Variants in GPHN observed in about 807,000 individuals in gnomAD.
GPHN encodes gephyrin.
In GPHN, 17 loss-of-function variants were observed where a neutral mutation model predicts 95.5. The ratio of observed to expected loss-of-function variants is 0.18; its 90% CI spans 0.12 to 0.27. GPHN has a LOEUF of 0.27. Ranked by LOEUF, GPHN falls within the 10% of genes least tolerant of loss-of-function variation. The pLI is 1.00. For synonymous variants in GPHN, 320 were observed against 322.5 expected, an observed-to-expected ratio of 0.99 and a Z score of 0.08; for missense variants, 660 against 978.1, an observed-to-expected ratio of 0.67 and a Z score of 4.34.
chr14:67,393,800 C>T, the GPHN span, among the ~76,000 whole-genome samples: 21 of 152,270 alleles, frequency 1.4e-4, no homozygotes, highest in African/African-American at 2.4e-4. Context: ...TCCCATAGCA[C>T]GGCTCACCCC....
chr14:67,083,653 G>A (rs1422655038), intron 11 of GPHN, among the ~76,000 whole-genome samples: 1 of 152,084 alleles, frequency 6.6e-6, no homozygotes, highest in Non-Finnish European at 1.5e-5. Context: ...TATTCAGAGT[G>A]GCAATGATCA....
At chr14:67,528,901 T>C in the GPHN span, among the ~76,000 whole-genome samples, 4 of 152,284 alleles carry the variant, frequency 2.6e-5, no homozygotes, top group South Asian at 2.1e-4. Flanking sequence ...GCCTGGAATC[T>C]GTATTTTCAG....
At chr14:67,579,809 G>A in the GPHN span, 1 of 1,610,830 alleles carries the variant, frequency 6.2e-7, no homozygotes, top group Non-Finnish European at 8.5e-7. Context: ...TCCCACTCTG[G>A]CTTTGCCCTC....
chr14:67,731,231 T>G, the GPHN span, among the ~76,000 whole-genome samples: 1 of 115,112 alleles, frequency 8.7e-6, no homozygotes, highest in African/African-American at 3.2e-5. Context: ...TTTTTTTTTT[T>G]GGAGACATAG....
At position 66,800,167 on chromosome 14, in the gene GPHN, C is replaced by T. The variant is rs531606569; in HGVS notation, c.201+23646C>T. On this transcript the variant is annotated intron_variant, in intron 3 of 22. Transcript: ENST00000478722. ...TTATATCTTAATGTACGGACTATGTCTTCAAAAGTTTTTATAATTATTATT... is the reference window on the plus strand; with the variant it reads ...TTATATCTTAATGTACGGACTATGTTTTCAAAAGTTTTTATAATTATTATT... Among the ~76,000 whole-genome samples, 17 of 152,054 alleles carry T rather than the reference C, an allele frequency of 1.1e-4. No homozygotes were observed. In the South Asian group the frequency reaches 3.5e-3, roughly 32 times the overall value.
At chr14:67,157,294 A>G (rs2081653398) in intron 18 of GPHN, among the ~76,000 whole-genome samples, 1 of 152,192 alleles carries the variant, frequency 6.6e-6, no homozygotes. Flanking sequence ...TAAATTAGTT[A>G]ATTCATCAGG....
intron 17 of GPHN, among the ~76,000 whole-genome samples, chr14:67,126,925 G>T (rs1024309524): frequency 6.6e-6 from 1 of 152,014 alleles, no homozygotes; most frequent in Non-Finnish European, 1.5e-5. Context: ...CATAAAAAAT[G>T]ATGAGTTCCT....
chr14:67,646,738 A>G, the GPHN span: 9 of 1,608,130 alleles, frequency 5.6e-6, no homozygotes, highest in Admixed American at 1.2e-4. Context: ...CCTCCTGAAC[A>G]GTAAGTTGAT....
chr14:67,276,410 G>A, the GPHN span, among the ~76,000 whole-genome samples: 5 of 152,148 alleles, frequency 3.3e-5, no homozygotes, highest in African/African-American at 1.2e-4. Context: ...CTAATTTTTA[G>A]TTGCCCTTTG....
At chr14:67,388,383 G>A in the GPHN span, 1 of 844,108 alleles carries the variant, frequency 1.2e-6, no homozygotes, top group South Asian at 1.3e-5. Context: ...ACTCAGGCCA[G>A]CTAAAGAAGT....
At chr14:66,919,537 T>A (rs2066093245) in intron 6 of GPHN, among the ~76,000 whole-genome samples, 1 of 152,152 alleles carries the variant, frequency 6.6e-6, no homozygotes, top group African/African-American at 2.4e-5. Context: ...CTACTCTCCC[T>A]CCCCATAAAT....
chr14:66,993,211 A>T (rs1378798595), intron 9 of GPHN, among the ~76,000 whole-genome samples: 1 of 151,744 alleles, frequency 6.6e-6, no homozygotes. Flanking sequence ...CTTCTTTTTT[A>T]TTGTCTTCTC....
At chr14:67,725,226 C>G in the GPHN span, 1 of 1,613,700 alleles carries the variant, frequency 6.2e-7, no homozygotes, top group Non-Finnish European at 8.5e-7. Context: ...CCAAATCTAT[C>G]CGAGCCTTTG....
chr14:67,412,427 C>T, the GPHN span, among the ~76,000 whole-genome samples: 38 of 152,158 alleles, frequency 2.5e-4, no homozygotes, highest in Non-Finnish European at 5.9e-5. Flanking sequence ...CCTCGAGGAA[C>T]GCTTATCGAA....
intron 9 of GPHN, among the ~76,000 whole-genome samples, chr14:66,988,621 C>T (rs980501430): frequency 6.6e-6 from 1 of 152,000 alleles, no homozygotes; most frequent in African/African-American, 2.4e-5. Context: ...TAGCATCTTA[C>T]AAATACTTGA....
the GPHN span, among the ~76,000 whole-genome samples, chr14:67,705,382 T>C: frequency 2.0e-5 from 3 of 152,212 alleles, no homozygotes; most frequent in African/African-American, 4.8e-5. Flanking sequence ...AATGTGTACG[T>C]CAACAGTTTG....
intron 12 of GPHN, among the ~76,000 whole-genome samples, chr14:67,095,984 A>AAAAAAATT: frequency 7.5e-6 from 1 of 133,472 alleles, no homozygotes; most frequent in Non-Finnish European, 1.5e-5. Flanking sequence ...AAAAAAAAAA[A>AAAAAAATT]AAGAATTTAG....
intron 3 of GPHN, among the ~76,000 whole-genome samples, chr14:66,789,891 T>TA (rs1264310113): frequency 2.0e-5 from 3 of 152,186 alleles, no homozygotes; most frequent in Non-Finnish European, 2.9e-5. Flanking sequence ...ACCCAGTTGT[T>TA]ACACACCAGA....
At chr14:66,690,194 A>G (rs2067678366) in intron 2 of GPHN, among the ~76,000 whole-genome samples, 2 of 151,980 alleles carry the variant, frequency 1.3e-5, no homozygotes, top group Non-Finnish European at 2.9e-5. Context: ...CTCTTACTAT[A>G]GTTTGTGATG....
Sources: gnomAD v4.1 joint callset for allele counts (sites outside exome capture counted in the v4.1 genomes callset) on GRCh38, gnomAD v4.1.1 for gene constraint, MANE v1.5 for transcripts, NCBI Gene and HGNC (gene_info 2026-07-23, HGNC 2026-07-21) for gene names.